Variants in CPXM1 observed in about 807,000 individuals in gnomAD.
CPXM1 encodes carboxypeptidase X, M14 family member 1, also known as probable carboxypeptidase X1.
Under a neutral mutation model 80.4 loss-of-function variants are expected in CPXM1, and 72 were observed. That is an observed-to-expected ratio of 0.90 (90% CI 0.74 to 1.09). CPXM1 has a LOEUF of 1.09. Among genes scored for constraint, CPXM1 ranks in the 50% least tolerant of loss-of-function variants. CPXM1 has a pLI of 0.00. For missense variants in CPXM1, 892 were observed against 999.4 expected (o/e 0.89, Z 1.45); for synonymous variants, 403 against 405.6 (o/e 0.99, Z 0.08).
chr20:2,796,756 AG>A lies in CPXM1; in HGVS notation c.922-107del. ...AAAAAGTCAGCGATGGCCCACACAG[AG>A]GGGGCATCCCATCATGGTACAGGAG... On this transcript the variant is annotated intron_variant, in intron 7 of 13. Transcript: ENST00000380605. The surrounding 1 kb of genome is among the most constrained non-coding windows in gnomAD (Gnocchi z 6.8). 6.8e-7 allele frequency: 1 copy of A among 1,466,274 alleles called. No individual in the cohort carries two copies. The highest frequency in any genetic ancestry group is 9.3e-7 in the Non-Finnish European group (1 of 1,079,320). 90.8% of individuals were successfully genotyped at this position (1,466,274 alleles called of 1,614,324 possible).
chr20:2,797,909 G>T, intron 5 of CPXM1, 59 bp downstream of exon 5: 1 of 1,480,574 alleles, frequency 6.8e-7, no homozygotes, highest in Non-Finnish European at 9.4e-7. Context: ...CCTCAGCCTA[G>T]CCTGGACTGG....
At position 2,795,202 on chromosome 20, in the gene CPXM1, C is replaced by A. The variant is rs2088491504; in HGVS notation, c.1860+75G>T. 6.5e-7 allele frequency: 1 copy of A among 1,541,122 alleles called. No individual in the cohort carries two copies. Among genetic ancestry groups the A allele is most frequent in the Non-Finnish European group, 8.8e-7 (1 of 1,132,260 alleles). On this transcript the variant is annotated intron_variant, in intron 12 of 13. Coordinates refer to ENST00000380605, the MANE Select transcript of CPXM1 (RefSeq NM_019609.5). This position sits in a 1 kb window ranked among gnomAD's most constrained non-coding sequence, Gnocchi z 5.4. ...ATGCTCAGCTGGACCTTAGAAGAAC[C>A]CCTGGTAGGAGCTGTAGCCTAAATG...
chr20:2,796,737 T>C lies in CPXM1; in HGVS notation c.922-87A>G. 3.2e-6 allele frequency: 5 copies of C among 1,547,790 alleles called. No homozygotes were observed. The highest frequency in any genetic ancestry group is 4.4e-6 in the Non-Finnish European group (5 of 1,141,566). On this transcript the variant is annotated intron_variant, in intron 7 of 13. Transcript: ENST00000380605. The surrounding 1 kb of genome is among the most constrained non-coding windows in gnomAD (Gnocchi z 6.8). Reference sequence around the variant, plus strand: ...ATGTGCCATGGAAAGACTTAAAAAGTCAGCGATGGCCCACACAGAGGGGGC... The same window carrying C: ...ATGTGCCATGGAAAGACTTAAAAAGCCAGCGATGGCCCACACAGAGGGGGC...
At chr20:2,799,422 C>T (rs1057325302) in intron 1 of CPXM1, among the ~76,000 whole-genome samples, 18 of 152,186 alleles carry the variant, frequency 1.2e-4, no homozygotes, top group African/African-American at 4.3e-4. Context: ...GTCCTGGAAT[C>T]CATGTCTGCC....
Position 2,797,287 on chromosome 20 carries a change from G to A in CPXM1, c.737C>T (p.Pro246Leu). The change falls in exon 6 of 14, where the codon CCC becomes CTC. Residue 246 changes from proline (P) to leucine (L), a missense_variant. By Grantham distance (98) the Pro-to-Leu change is moderately conservative (BLOSUM62 -3). This residue lies in a region of CPXM1 where 874 missense variants were observed against 958.4 expected (regional missense o/e 0.91). Transcript: ENST00000380605. ...ETPVLNLLPE[P>L]QVARFIRLLP... Reference sequence around the variant, plus strand: ...CAGGCGAATGAAGCGGGCCACCTGGGGCTCCGGCAGGAGGTTCAGCACTGG... The same window carrying A: ...CAGGCGAATGAAGCGGGCCACCTGGAGCTCCGGCAGGAGGTTCAGCACTGG... 3.8e-6 allele frequency: 6 copies of A among 1,565,030 alleles called. No homozygotes were observed. Among genetic ancestry groups the A allele is most frequent in the Non-Finnish European group, 5.2e-6 (6 of 1,154,730 alleles).
Position 2,796,234 on chromosome 20 carries a change from C to T in CPXM1, c.1242+13G>A. The stretch of plus-strand genomic sequence containing the variant: ...GCAGAAGGACAGAGTGGCCCTCATG[C>T]TGGGTGGCCTACCCGGTGGTAGGCG... On this transcript the variant is annotated intron_variant, in intron 9 of 13. Coordinates refer to ENST00000380605, the MANE Select transcript of CPXM1 (RefSeq NM_019609.5). The surrounding 1 kb of genome is among the most constrained non-coding windows in gnomAD (Gnocchi z 6.8). 1.9e-6 allele frequency: 3 copies of T among 1,612,472 alleles called. No homozygotes were observed. The highest frequency in any genetic ancestry group is 2.5e-6 in the Non-Finnish European group (3 of 1,179,006).
At chr20:2,798,932 A>G (rs770896652) in intron 1 of CPXM1, 39 bp from the exon 2 acceptor site, 1 of 1,593,356 alleles carries the variant, frequency 6.3e-7, no homozygotes, top group Non-Finnish European at 8.6e-7. Flanking sequence ...GAAAGGAAGA[A>G]TGGTGAAACC....
At position 2,794,768 on chromosome 20, in the gene CPXM1, T is replaced by C; in HGVS notation, c.1861-129A>G. 1 of 634,796 alleles carries C rather than the reference T, an allele frequency of 1.6e-6. No individual in the cohort carries two copies. Among genetic ancestry groups the C allele is most frequent in the South Asian group, 1.9e-5 (1 of 52,600 alleles). The allele number at this position is 634,796 out of a possible 1,614,324, so 39.3% of individuals were successfully genotyped here. On this transcript the variant is annotated intron_variant, in intron 12 of 13. Transcript: ENST00000380605. This position sits in a 1 kb window ranked among gnomAD's most constrained non-coding sequence, Gnocchi z 5.2. ...GGTCTACTGTGTTCCTAGGTGACACTACTTCTGGAAGAAAAAAAAAAAAGA... is the reference window on the plus strand; with the variant it reads ...GGTCTACTGTGTTCCTAGGTGACACCACTTCTGGAAGAAAAAAAAAAAAGA...
chr20:2,800,115 T>C lies in CPXM1; in HGVS notation c.172+286A>G, dbSNP rs533722097. 4.4e-4 allele frequency among the ~76,000 whole-genome samples: 65 copies of C among 147,864 alleles called. No individual in the cohort carries two copies. The East Asian group carries it at 5.7e-3, about 13-fold the overall frequency. ...TGTGTGTGCACTGTGAGTGTGAGTG[T>C]GCGCGCGCGTGCACTGTGTGTGCGC... is the stretch of plus-strand genomic sequence containing the variant. On this transcript the variant is annotated intron_variant, in intron 1 of 13. Coordinates refer to ENST00000380605, the MANE Select transcript of CPXM1 (RefSeq NM_019609.5).
chr20:2,797,435 C>T, intron 5 of CPXM1, 93 bp from the exon 6 acceptor site: 1 of 1,331,516 alleles, frequency 7.5e-7, no homozygotes. Flanking sequence ...AGCTTACTGT[C>T]TCCCCACCCT....
In CPXM1 at chr20:2,796,424, G is replaced by A. The variant is rs775307824; in HGVS notation, c.1065C>T (p.Tyr355=). 29 of 1,614,006 alleles carry A rather than the reference G, an allele frequency of 1.8e-5. No homozygotes were observed. Among genetic ancestry groups the A allele is most frequent in the South Asian group, 9.9e-5 (9 of 91,078 alleles). Residue 355 remains tyrosine, a synonymous_variant, in exon 9 of 14, where the codon TAC becomes TAT. Transcript: ENST00000380605. This position sits in a 1 kb window ranked among gnomAD's most constrained non-coding sequence, Gnocchi z 6.8. ...EHELGEPEVR[Y]VAGMHGNEAL... The stretch of plus-strand genomic sequence containing the variant: ...CCTCGTTCCCATGCATGCCAGCCAC[G>A]TAGCGCACCTCAGGCTCCCCTGGGG...
chr20:2,795,541 C>A lies in CPXM1; in HGVS notation c.1720+58G>T. On this transcript the variant is annotated intron_variant, in intron 11 of 13. Transcript: ENST00000380605. The surrounding 1 kb of genome is among the most constrained non-coding windows in gnomAD (Gnocchi z 5.4). ...CGCCAGCACTGTACGCAACCGCAGG[C>A]TGTCTTATCAGGGCGGGGGTTACGG... is the stretch of plus-strand genomic sequence containing the variant. 2 of 1,591,832 alleles carry A rather than the reference C, an allele frequency of 1.3e-6. No homozygotes were observed. The highest frequency in any genetic ancestry group is 1.1e-5 in the South Asian group (1 of 87,794).
At position 2,796,742 on chromosome 20, in the gene CPXM1, G is replaced by A. The variant is rs921071351; in HGVS notation, c.922-92C>T. 1.0e-4 allele frequency: 154 copies of A among 1,530,848 alleles called. No homozygotes were observed. Among genetic ancestry groups the A allele is most frequent in the Middle Eastern group, 1.8e-4 (1 of 5,462 alleles). The allele number at this position is 1,530,848 out of a possible 1,614,324, so 94.8% of individuals were successfully genotyped here. ...CCATGGAAAGACTTAAAAAGTCAGC[G>A]ATGGCCCACACAGAGGGGGCATCCC... On this transcript the variant is annotated intron_variant, in intron 7 of 13. Transcript: ENST00000380605. The surrounding 1 kb of genome is among the most constrained non-coding windows in gnomAD (Gnocchi z 6.8).
chr20:2,796,624 G>C lies in CPXM1; in HGVS notation c.948C>G (p.Cys316Trp), dbSNP rs767978402. ...RKLMKQVQEQ[C>W]PNITRIYSIG... ...TGCTGTAGATGCGGGTGATGTTGGG[G>C]CATTGCTCTTGTACCTGCTTCATCA... The change falls in exon 8 of 14, where the codon TGC (cysteine) becomes TGG (tryptophan). Residue 316 changes from cysteine (C) to tryptophan (W), a missense_variant. By Grantham distance (215) the Cys-to-Trp change is radical. Coordinates refer to ENST00000380605, the MANE Select transcript of CPXM1 (RefSeq NM_019609.5). The surrounding 1 kb of genome is among the most constrained non-coding windows in gnomAD (Gnocchi z 6.8). 1 of 1,614,180 alleles carries C rather than the reference G, an allele frequency of 6.2e-7. No individual in the cohort carries two copies. Among genetic ancestry groups the C allele is most frequent in the Non-Finnish European group, 8.5e-7 (1 of 1,180,014 alleles).
intron 1 of CPXM1, among the ~76,000 whole-genome samples, chr20:2,800,128 ACTGTGTGTGCGCGCACG>A (rs1273898226): frequency 5.3e-5 from 6 of 112,470 alleles, no homozygotes; most frequent in Non-Finnish European, 1.1e-4. Context: ...GCGCGCGTGC[ACTGTGTGTGCGCGCACG>A]CGCGTGTGAG....
chr20:2,794,425 C>A lies in CPXM1; in HGVS notation c.1970G>T (p.Gly657Val), dbSNP rs1255102168. 3.1e-6 allele frequency: 5 copies of A among 1,613,962 alleles called. No individual in the cohort carries two copies. Among genetic ancestry groups the A allele is most frequent in the South Asian group, 2.2e-5 (2 of 91,062 alleles). Residue 657 changes from glycine to valine, a missense_variant, in exon 14 of 14, where the codon GGC becomes GTC. By Grantham distance (109) the Gly-to-Val change is moderately radical (BLOSUM62 -3). Coordinates refer to ENST00000380605, the MANE Select transcript of CPXM1 (RefSeq NM_019609.5). This position sits in a 1 kb window ranked among gnomAD's most constrained non-coding sequence, Gnocchi z 5.2. ...GINHDVTTAW[G>V]GDYWRLLTPG... ...GGTCAGCAGACGCCAATAATCCCCG[C>A]CCCACGCTGAGGAGAGTGAAGGGCA... is the stretch of plus-strand genomic sequence containing the variant.
rs1234457713 is a variant in CPXM1, at chr20:2,794,950, T to C, written c.1861-311A>G. ...GCTATTACAAGGGTTATGAGCTCCA[T>C]GGAACATGAAGCTTCTATGCCAGGA... On this transcript the variant is annotated intron_variant, in intron 12 of 13. Coordinates refer to ENST00000380605, the MANE Select transcript of CPXM1 (RefSeq NM_019609.5). The surrounding 1 kb of genome is among the most constrained non-coding windows in gnomAD (Gnocchi z 5.2). 6.6e-6 allele frequency among the ~76,000 whole-genome samples: 1 copy of C among 152,208 alleles called. No individual in the cohort carries two copies. Among genetic ancestry groups the C allele is most frequent in the Non-Finnish European group, 1.5e-5 (1 of 68,032 alleles).
intron 2 of CPXM1, 40 bp downstream of exon 2, chr20:2,798,686 G>A (rs2146562500): frequency 6.3e-7 from 1 of 1,593,890 alleles, no homozygotes. Flanking sequence ...AAGTGCCCCA[G>A]GGGCTGCAAG....
chr20:2,798,308 T>C lies in CPXM1; in HGVS notation c.451-17A>G, dbSNP rs2146561948. 6.2e-7 allele frequency: 1 copy of C among 1,613,296 alleles called. No homozygotes were observed. Among genetic ancestry groups the C allele is most frequent in the Non-Finnish European group, 8.5e-7 (1 of 1,179,698 alleles). ...CAGGCCTGACTGCAGACACAGGACA[T>C]GGTGGTCAGGCCCAGTTGGACAGAG... On this transcript the variant is annotated splice_polypyrimidine_tract_variant and intron_variant, in intron 3 of 13. Coordinates refer to ENST00000380605, the MANE Select transcript of CPXM1 (RefSeq NM_019609.5).
Sources: gnomAD v4.1 joint callset for allele counts (sites outside exome capture counted in the v4.1 genomes callset) on GRCh38, gnomAD v4.1.1 for gene constraint, gnomAD v4.1.1 regional missense constraint, Gnocchi (gnomAD v3.1) non-coding constraint, MANE v1.5 for transcripts, NCBI Gene and HGNC (gene_info 2026-07-23, HGNC 2026-07-21) for gene names.